Variants in KLHDC10 observed in about 807,000 individuals in gnomAD.
KLHDC10 encodes the protein kelch domain-containing protein 10.
KLHDC10 carries 24 observed loss-of-function variants against 56.1 expected under a neutral mutation model. The observed-to-expected ratio is 0.43, with a 90% CI of 0.31 to 0.60. The LOEUF (loss-of-function observed/expected upper bound fraction) is 0.60, where lower values mean the gene tolerates loss of function less well. Among genes scored for constraint, KLHDC10 ranks in the 20% least tolerant of loss-of-function variants. The pLI is 0.11. For synonymous variants in KLHDC10, 188 were observed against 207.1 expected (o/e 0.91, Z 0.79); for missense variants, 349 against 567.0 (o/e 0.62, Z 3.91).
chr7:130,091,014 A>G (rs1358637386), intron 1 of KLHDC10, among the ~76,000 whole-genome samples: 1 of 148,838 alleles, frequency 6.7e-6, no homozygotes, highest in Non-Finnish European at 1.5e-5. Flanking sequence ...TTTTGACACT[A>G]TTTTTTTTTT....
chr7:130,128,889 A>AAAAAAAATATATAT, intron 8 of KLHDC10, among the ~76,000 whole-genome samples: 11 of 66,954 alleles, frequency 1.6e-4, no homozygotes, highest in African/African-American at 7.3e-4. Context: ...AAAAAAAAAA[A>AAAAAAAATATATAT]ATATATATAT....
intron 1 of KLHDC10, among the ~76,000 whole-genome samples, chr7:130,090,256 CCTTTTA>C (rs1035933990): frequency 2.6e-4 from 40 of 151,590 alleles, no homozygotes; most frequent in Admixed American, 1.8e-3. Context: ...AATTTTTATA[CCTTTTA>C]CTTTGAGAAT....
intron 2 of KLHDC10, among the ~76,000 whole-genome samples, chr7:130,106,794 ACTCTGT>A (rs1796013375): frequency 1.3e-5 from 2 of 151,932 alleles, no homozygotes; most frequent in African/African-American, 2.4e-5. Flanking sequence ...CCTGGGCAAC[ACTCTGT>A]CTCTAAGAAA....
rs902684499 is a variant in KLHDC10, at chr7:130,102,866, T to G, written c.253+5859T>G. Among the ~76,000 whole-genome samples, 4 of 152,078 alleles carry G rather than the reference T, an allele frequency of 2.6e-5. No individual in the cohort carries two copies. In the East Asian group the frequency reaches 7.7e-4, roughly 29 times the overall value. ...ACAAAACAAAAAACGCTTCCATGGA[T>G]AAAAAGTAATGATTAATGAATTAGT... On this transcript the variant is annotated intron_variant, in intron 2 of 9. Transcript: ENST00000335420.
rs1169492804 is a variant in KLHDC10, at chr7:130,106,168, T to TA, written c.253+9163dup. On this transcript the variant is annotated intron_variant, in intron 2 of 9. Transcript: ENST00000335420. ...TCTCAAAATAAATAAATAAAATAAATAATAATCTGTACATTTATATTTATG... is the reference window on the plus strand; with the variant it reads ...TCTCAAAATAAATAAATAAAATAAATAAATAATCTGTACATTTATATTTATG... 8.5e-5 allele frequency among the ~76,000 whole-genome samples: 13 copies of TA among 152,178 alleles called. 1 individual carries two copies. In the East Asian group the frequency reaches 1.7e-3, roughly 20 times the overall value.
At chr7:130,117,965 C>T (rs1022588575) in intron 3 of KLHDC10, among the ~76,000 whole-genome samples, 2 of 151,018 alleles carry the variant, frequency 1.3e-5, no homozygotes, top group Non-Finnish European at 3.0e-5. Flanking sequence ...GAGTTTGAGA[C>T]CCAGCCTGGC....
At chr7:130,121,014 T>C in intron 4 of KLHDC10, 111 bp downstream of exon 4, 3 of 1,103,956 alleles carry the variant, frequency 2.7e-6, no homozygotes, top group Non-Finnish European at 3.9e-6. Context: ...AAGAGTTCTT[T>C]GTGGTTAGTA....
At chr7:130,107,879 G>A (rs4731656) in intron 2 of KLHDC10, among the ~76,000 whole-genome samples, 18,928 of 138,980 alleles carry the variant, frequency 0.14, 1,633 homozygotes, top group East Asian at 0.29. Context: ...AGCCGGACGC[G>A]GTGGCCCGTA....
intron 2 of KLHDC10, among the ~76,000 whole-genome samples, chr7:130,107,983 C>G (rs1029481981): frequency 6.6e-6 from 1 of 151,822 alleles, no homozygotes. Flanking sequence ...CCACTGCACC[C>G]CAGCCTGGGG....
In KLHDC10 at chr7:130,070,688, AGGCGCCGCC is replaced by A. The variant is rs1795393054; in HGVS notation, c.51_59del (p.Ala18_Ala20del). 1.5e-6 allele frequency: 2 copies of A among 1,292,246 alleles called. No individual in the cohort carries two copies. The highest frequency in any genetic ancestry group is 9.9e-7 in the Non-Finnish European group (1 of 1,014,308). 80.0% of individuals were successfully genotyped at this position (1,292,246 alleles called of 1,614,324 possible). A position where few individuals can be genotyped will look rare whatever the true frequency, so the allele number is the denominator to read the frequency against. ...GGGACAGGAACCGCCGGAGGGGAGG[AGGCGCCGCC>A]GGCGCTGGTGGCGGAGGTAGCGGGG... is the stretch of plus-strand genomic sequence containing the variant. On this transcript the variant is annotated inframe_deletion, in exon 1 of 10. Coordinates refer to ENST00000335420, the MANE Select transcript of KLHDC10 (RefSeq NM_014997.4).
At chr7:130,094,545 A>G (rs1795823716) in intron 1 of KLHDC10, among the ~76,000 whole-genome samples, 2 of 152,232 alleles carry the variant, frequency 1.3e-5, no homozygotes, top group South Asian at 4.1e-4. Context: ...ATCCAAAGAT[A>G]ACTACAGTCA....
chr7:130,077,278 TG>T (rs1251544633), intron 1 of KLHDC10, among the ~76,000 whole-genome samples: 1 of 120,846 alleles, frequency 8.3e-6, no homozygotes, highest in Non-Finnish European at 1.6e-5. Context: ...TTGTTGAACC[TG>T]GGAGGCAGAG....
At position 130,103,722 on chromosome 7, in the gene KLHDC10, G is replaced by A. The variant is rs369618036; in HGVS notation, c.253+6715G>A. Reference sequence around the variant, plus strand: ...GCCTCACTAATGTTTAAGTGGGGGGGTCAAAATAAGATTTCTGAAAGTTTG... The same window carrying A: ...GCCTCACTAATGTTTAAGTGGGGGGATCAAAATAAGATTTCTGAAAGTTTG... On this transcript the variant is annotated intron_variant, in intron 2 of 9. Coordinates refer to ENST00000335420, the MANE Select transcript of KLHDC10 (RefSeq NM_014997.4). 6.5e-4 allele frequency among the ~76,000 whole-genome samples: 99 copies of A among 152,200 alleles called. 2 individuals are homozygous for A. In the South Asian group the frequency reaches 0.02, roughly 30 times the overall value.
At chr7:130,124,789 G>A (rs186227469) in intron 6 of KLHDC10, among the ~76,000 whole-genome samples, 125 of 152,282 alleles carry the variant, frequency 8.2e-4, no homozygotes, top group Non-Finnish European at 1.5e-3. Flanking sequence ...AAAGGAAAGT[G>A]ACTAAAAGGA....
Position 130,116,128 on chromosome 7 carries a change from T to C in KLHDC10, c.254-317T>C, listed in dbSNP as rs894359522. Among the ~76,000 whole-genome samples the C allele has an allele frequency of 9.9e-5, 15 of 152,232 alleles. No homozygotes were observed. Among genetic ancestry groups the C allele is most frequent in the African/African-American group, 3.4e-4 (14 of 41,458 alleles). On this transcript the variant is annotated intron_variant, in intron 2 of 9. Coordinates refer to ENST00000335420, the MANE Select transcript of KLHDC10 (RefSeq NM_014997.4). The surrounding 1 kb of genome is among the most constrained non-coding windows in gnomAD (Gnocchi z 4.8). ...GTTAGCTTTTGGATTATTAAATCTT[T>C]CCTCCTTCTTTTCTTGAAAATTTCA...
chr7:130,080,892 T>G (rs1222216499), intron 1 of KLHDC10, among the ~76,000 whole-genome samples: 1 of 152,228 alleles, frequency 6.6e-6, no homozygotes, highest in Non-Finnish European at 1.5e-5. Context: ...CATTTCTTAT[T>G]TTGTATTATG....
chr7:130,070,753 G>C lies in KLHDC10; in HGVS notation c.110G>C (p.Arg37Pro). The change falls in exon 1 of 10, where the codon CGG (arginine) becomes CCG (proline). Residue 37 changes from arginine (R) to proline (P), a missense_variant. By Grantham distance (103) the Arg-to-Pro change is moderately radical. This residue lies in a region of KLHDC10 where 104 missense variants were observed against 97.0 expected (regional missense o/e 1.07). Transcript: ENST00000335420. Reference protein sequence around the residue: ...AGGGSGGSGGRGTGQLNRFVQ... With the variant: ...AGGGSGGSGGPGTGQLNRFVQ... ...GGGGGCAGTGGGGGCAGCGGGGGTC[G>C]GGGGACTGGCCAGCTCAACCGCTTC... is the stretch of plus-strand genomic sequence containing the variant. The C allele has an allele frequency of 7.7e-7, 1 of 1,303,370 alleles. No individual in the cohort carries two copies. The highest frequency in any genetic ancestry group is 2.6e-5 in the South Asian group (1 of 38,534). 80.7% of individuals were successfully genotyped at this position (1,303,370 alleles called of 1,614,324 possible). A position where few individuals can be genotyped will look rare whatever the true frequency, so the allele number is the denominator to read the frequency against.
At chr7:130,113,193 T>C (rs1584634343) in intron 2 of KLHDC10, among the ~76,000 whole-genome samples, 1 of 152,144 alleles carries the variant, frequency 6.6e-6, no homozygotes, top group East Asian at 1.9e-4. Context: ...AGCCATATGT[T>C]ATGGCTCATG....
chr7:130,108,719 C>T (rs1796055545), intron 2 of KLHDC10, among the ~76,000 whole-genome samples: 1 of 139,116 alleles, frequency 7.2e-6, no homozygotes, highest in Non-Finnish European at 1.5e-5. Context: ...GAGACCCCAT[C>T]TCAAACAAAA....
Sources: allele counts gnomAD v4.1 joint callset (sites outside exome capture counted in the v4.1 genomes callset), GRCh38; gene constraint gnomAD v4.1.1; regional missense constraint gnomAD v4.1.1; non-coding constraint Gnocchi (gnomAD v3.1); transcripts MANE v1.5; gene names NCBI Gene and HGNC (gene_info 2026-07-23, HGNC 2026-07-21).